Variants in CDYL2 observed in about 807,000 individuals in gnomAD.
The protein encoded by CDYL2 is chromodomain Y like 2.
CDYL2 carries 23 observed loss-of-function variants against 49.4 expected under a neutral mutation model. The ratio of observed to expected loss-of-function variants is 0.47; its 90% CI spans 0.34 to 0.66. The LOEUF (loss-of-function observed/expected upper bound fraction) is 0.66. Among genes scored for constraint, CDYL2 ranks in the 30% least tolerant of loss-of-function variants. The pLI is 0.01. For synonymous variants in CDYL2, 360 were observed against 268.8 expected (o/e 1.34, Z -3.32); for missense variants, 678 against 656.4 (o/e 1.03, Z -0.36).
At chr16:80,639,657 G>C (rs1265676704) in intron 2 of CDYL2, 2 of 455,190 alleles carry the variant, frequency 4.4e-6, no homozygotes, top group African/African-American at 4.0e-5. Flanking sequence ...CAAAAAATCA[G>C]GTGAGCACTC....
chr16:80,754,604 G>T (rs1276747651), intron 1 of CDYL2, among the ~76,000 whole-genome samples: 1 of 152,260 alleles, frequency 6.6e-6, no homozygotes, highest in African/African-American at 2.4e-5. Flanking sequence ...GCTTCTCAGT[G>T]CTGTGACTCT....
At position 80,612,715 on chromosome 16, in the gene CDYL2, C is replaced by A; in HGVS notation, c.1129G>T (p.Ala377Ser). Residue 377 changes from alanine (A) to serine (S), a missense_variant, in exon 5 of 7, where the codon GCC (alanine) becomes TCC (serine). Coordinates refer to ENST00000570137, the MANE Select transcript of CDYL2 (RefSeq NM_152342.4). This position sits in a 1 kb window ranked among gnomAD's most constrained non-coding sequence, Gnocchi z 5.0. ...GTGGCGTAGGGCGTCTGGAACCAGG[C>A]CTTCTCACTGGCCCACACGATGTCA... ...LCDIVWASEK[A>S]WFQTPYATIR... 1.2e-6 allele frequency: 2 copies of A among 1,613,548 alleles called. No individual in the cohort carries two copies. The highest frequency in any genetic ancestry group is 1.7e-6 in the Non-Finnish European group (2 of 1,179,954).
At chr16:80,775,781 TA>T (rs577434382) in intron 1 of CDYL2, among the ~76,000 whole-genome samples, 67 of 151,870 alleles carry the variant, frequency 4.4e-4, no homozygotes, top group African/African-American at 1.6e-3. Context: ...GCAAAGCCAA[TA>T]ACGATCTACA....
intron 1 of CDYL2, among the ~76,000 whole-genome samples, chr16:80,795,311 A>G (rs1038546081): frequency 1.3e-5 from 2 of 152,220 alleles, no homozygotes; most frequent in Admixed American, 6.5e-5. Flanking sequence ...TGATTGATCA[A>G]CATGAAAATT....
intron 1 of CDYL2, among the ~76,000 whole-genome samples, chr16:80,707,583 C>A (rs1567579123): frequency 6.6e-6 from 1 of 152,198 alleles, no homozygotes; most frequent in Non-Finnish European, 1.5e-5. Context: ...GGGAACAGAG[C>A]ATCAAATGGG....
At chr16:80,678,698 G>A (rs905281454) in intron 2 of CDYL2, among the ~76,000 whole-genome samples, 3 of 149,896 alleles carry the variant, frequency 2.0e-5, no homozygotes, top group Non-Finnish European at 4.5e-5. Flanking sequence ...GTGGAAGTCA[G>A]TGTGGCGATT....
At chr16:80,760,146 C>T (rs768468162) in intron 1 of CDYL2, among the ~76,000 whole-genome samples, 13 of 152,288 alleles carry the variant, frequency 8.5e-5, no homozygotes, top group Non-Finnish European at 1.5e-4. Flanking sequence ...TCATGCATGA[C>T]GATATTATCC....
At chr16:80,682,813 C>T (rs775030773) in intron 2 of CDYL2, among the ~76,000 whole-genome samples, 2 of 152,186 alleles carry the variant, frequency 1.3e-5, no homozygotes, top group African/African-American at 2.4e-5. Context: ...CCCATTTACA[C>T]GAGCCCACTT....
intron 1 of CDYL2, among the ~76,000 whole-genome samples, chr16:80,727,083 A>C (rs1029308834): frequency 6.6e-6 from 1 of 152,186 alleles, no homozygotes; most frequent in Admixed American, 6.5e-5. Flanking sequence ...AAGAAAAAAA[A>C]GTTCTGGGAG....
At chr16:80,796,977 T>C (rs377291264) in intron 1 of CDYL2, among the ~76,000 whole-genome samples, 1 of 152,178 alleles carries the variant, frequency 6.6e-6, no homozygotes, top group East Asian at 1.9e-4. Flanking sequence ...CAATATTCCA[T>C]TGCCTTCCAT....
intron 1 of CDYL2, among the ~76,000 whole-genome samples, chr16:80,787,622 C>T (rs189941241): frequency 6.6e-6 from 1 of 152,080 alleles, no homozygotes; most frequent in Non-Finnish European, 1.5e-5. Flanking sequence ...TCTCTCTCCT[C>T]TGTGTGTGTG....
intron 1 of CDYL2, among the ~76,000 whole-genome samples, chr16:80,784,391 A>T (rs180912587): frequency 1.3e-5 from 2 of 152,170 alleles, no homozygotes; most frequent in Non-Finnish European, 2.9e-5. Context: ...TTATTCTGCA[A>T]TTTAGGCTCT....
chr16:80,631,931 C>CT (rs1345276410), intron 3 of CDYL2, among the ~76,000 whole-genome samples: 3 of 152,192 alleles, frequency 2.0e-5, no homozygotes, highest in Non-Finnish European at 2.9e-5. Context: ...CCCTCACATA[C>CT]TACTGGTCAG....
chr16:80,637,620 G>C (rs528253823), intron 2 of CDYL2, among the ~76,000 whole-genome samples: 66 of 152,250 alleles, frequency 4.3e-4, no homozygotes, highest in Non-Finnish European at 8.5e-4. Flanking sequence ...AGTTACTTTT[G>C]CACATACCAG....
chr16:80,694,721 G>A lies in CDYL2; in HGVS notation c.25-9592C>T, dbSNP rs78405633. On this transcript the variant is annotated intron_variant, in intron 1 of 6. Coordinates refer to ENST00000570137, the MANE Select transcript of CDYL2 (RefSeq NM_152342.4). ...ACCCTACTATCAATGAGCACATCCA[G>A]CAACACAGATCATGGTTTCTTAATA... is the stretch of plus-strand genomic sequence containing the variant. Among the ~76,000 whole-genome samples, 450 of 152,204 alleles carry A rather than the reference G, an allele frequency of 3.0e-3. 3 individuals carry two copies. The highest frequency in any genetic ancestry group is 0.01 in the African/African-American group (422 of 41,508).
At chr16:80,654,221 C>G (rs976110855) in intron 2 of CDYL2, among the ~76,000 whole-genome samples, 1 of 152,134 alleles carries the variant, frequency 6.6e-6, no homozygotes, top group East Asian at 1.9e-4. Flanking sequence ...ACTGAGACTC[C>G]GGAACCCAAC....
intron 1 of CDYL2, among the ~76,000 whole-genome samples, chr16:80,706,398 G>C (rs901578287): frequency 6.6e-6 from 1 of 152,164 alleles, no homozygotes; most frequent in Non-Finnish European, 1.5e-5. Context: ...ATAAACCTCA[G>C]CTTGAATCTA....
At chr16:80,698,159 T>C (rs956043144) in intron 1 of CDYL2, among the ~76,000 whole-genome samples, 2 of 152,068 alleles carry the variant, frequency 1.3e-5, no homozygotes, top group African/African-American at 2.4e-5. Context: ...TAAAAATCTG[T>C]AGTAACCAAA....
At chr16:80,611,434 G>A (rs1036181117) in intron 5 of CDYL2, among the ~76,000 whole-genome samples, 1 of 152,174 alleles carries the variant, frequency 6.6e-6, no homozygotes, top group African/African-American at 2.4e-5. Context: ...CTGAACAGCA[G>A]AGGCTGCCTG....
Sources: allele counts gnomAD v4.1 joint callset (sites outside exome capture counted in the v4.1 genomes callset), GRCh38; gene constraint gnomAD v4.1.1; non-coding constraint Gnocchi (gnomAD v3.1); transcripts MANE v1.5; gene names NCBI Gene and HGNC (gene_info 2026-07-23, HGNC 2026-07-21).